SDK2: variants seen among roughly 807,000 people sequenced by gnomAD.
SDK2 encodes the protein protein sidekick-2.
SDK2 carries 105 observed loss-of-function variants against 253.9 expected under a neutral mutation model. The ratio of observed to expected loss-of-function variants is 0.41; its 90% confidence interval spans 0.35 to 0.49. SDK2 has a LOEUF of 0.49. SDK2 is among the 20% of genes least tolerant of loss of function. The pLI is 0.06. For synonymous variants in SDK2, 1,249 were observed against 1,234.9 expected (o/e 1.01, Z -0.24); for missense variants, 2,608 against 3,003.0 (o/e 0.87, Z 3.07).
chr17:73,630,883 TC>T (rs1182469698), intron 1 of SDK2, among the ~76,000 whole-genome samples: 140 of 151,672 alleles, frequency 9.2e-4, no homozygotes, highest in South Asian at 2.1e-3. Flanking sequence ...ACACCGCCCC[TC>T]CCTGAAGCAG....
intron 4 of SDK2, among the ~76,000 whole-genome samples, chr17:73,453,594 C>T (rs2063503653): frequency 6.6e-6 from 1 of 152,100 alleles, no homozygotes; most frequent in South Asian, 2.1e-4. Flanking sequence ...CCAGGCTGGT[C>T]TTGAACTCCT....
intron 1 of SDK2, among the ~76,000 whole-genome samples, chr17:73,559,598 G>GCCCCCC (rs10633523): frequency 7.4e-5 from 9 of 122,168 alleles, no homozygotes; most frequent in African/African-American, 1.6e-4. Context: ...CGCTCCCTGT[G>GCCCCCC]CCCCCCGCCC....
intron 1 of SDK2, among the ~76,000 whole-genome samples, chr17:73,565,280 A>C (rs949243312): frequency 6.6e-6 from 1 of 152,192 alleles, no homozygotes; most frequent in African/African-American, 2.4e-5. Context: ...ATATGTACAC[A>C]TGGGGCCAAT....
intron 1 of SDK2, among the ~76,000 whole-genome samples, chr17:73,530,978 C>T (rs996320188): frequency 6.6e-6 from 1 of 152,182 alleles, no homozygotes; most frequent in Non-Finnish European, 1.5e-5. Flanking sequence ...CACTCACTTC[C>T]TGACTCTGTA....
In SDK2 at chr17:73,616,446, C is replaced by T. The variant is rs576254181; in HGVS notation, c.64+27579G>A. On this transcript the variant is annotated intron_variant, in intron 1 of 44. Coordinates refer to ENST00000392650, the MANE Select transcript of SDK2 (RefSeq NM_001144952.2). This position sits in a 1 kb window ranked among gnomAD's most constrained non-coding sequence, Gnocchi z 5.2. ...TTTCCTTTCACTTGGGCAGGCTGAC[C>T]GTGGCCTCAAGGACCACTGTCGCAA... 5.9e-5 allele frequency among the ~76,000 whole-genome samples: 9 copies of T among 152,138 alleles called. No homozygotes were observed. Among genetic ancestry groups the T allele is most frequent in the Non-Finnish European group, 1.0e-4 (7 of 67,978 alleles).
chr17:73,476,291 C>T (rs1203004512), intron 2 of SDK2, among the ~76,000 whole-genome samples: 1 of 152,150 alleles, frequency 6.6e-6, no homozygotes, highest in Non-Finnish European at 1.5e-5. Context: ...ACACTTATAA[C>T]CACACAAACA....
chr17:73,574,656 C>T (rs533497570), intron 1 of SDK2, among the ~76,000 whole-genome samples: 61 of 152,290 alleles, frequency 4.0e-4, no homozygotes, highest in Middle Eastern at 3.4e-3. Flanking sequence ...ACCTCCCCTT[C>T]GGAACCAAGG....
At chr17:73,350,138 T>G (rs2062521608) in intron 43 of SDK2, 99 bp downstream of exon 43, 4 of 697,972 alleles carry the variant, frequency 5.7e-6, no homozygotes, top group Non-Finnish European at 7.2e-6. Context: ...GGACAAGGTA[T>G]GGCCAGGTGG....
intron 18 of SDK2, among the ~76,000 whole-genome samples, chr17:73,408,182 G>A (rs931375613): frequency 1.1e-4 from 17 of 150,510 alleles, no homozygotes; most frequent in Non-Finnish European, 1.9e-4. Context: ...CTCCCGAGTA[G>A]CTGAGATTAG....
intron 1 of SDK2, among the ~76,000 whole-genome samples, chr17:73,564,265 G>A (rs1208823487): frequency 1.3e-5 from 2 of 152,136 alleles, no homozygotes; most frequent in Non-Finnish European, 2.9e-5. Context: ...GGCCACATAT[G>A]GCTAGTGACT....
rs972711389 is a variant in SDK2 at position 73,335,959 on chromosome 17, TG to T, written c.*2627del. 6.7e-6 allele frequency: 1 copy of T among 150,194 alleles called. No homozygotes were observed. The allele number at this position is 150,194 out of a possible 1,614,324, so 9.3% of individuals were successfully genotyped here. A position where few individuals can be genotyped will look rare whatever the true frequency, so the allele number is the denominator to read the frequency against. On this transcript the variant is annotated 3_prime_UTR_variant, in exon 45 of 45. Coordinates refer to ENST00000392650, the MANE Select transcript of SDK2 (RefSeq NM_001144952.2). ...TGGGTGCGAATGAGCGTGTGGGGAG[TG>T]GGGGGGTGGAATATCTTAGTGCACC... is the stretch of plus-strand genomic sequence containing the variant.
chr17:73,380,514 G>C (rs2062821320), intron 34 of SDK2, among the ~76,000 whole-genome samples: 1 of 152,176 alleles, frequency 6.6e-6, no homozygotes, highest in Non-Finnish European at 1.5e-5. Flanking sequence ...GTAAGACCCA[G>C]CTGGGCCGAG....
At position 73,394,339 on chromosome 17, in the gene SDK2, G is replaced by A. The variant is rs7220954; in HGVS notation, c.3593-15C>T. On this transcript the variant is annotated splice_polypyrimidine_tract_variant and intron_variant, in intron 25 of 44. Coordinates refer to ENST00000392650, the MANE Select transcript of SDK2 (RefSeq NM_001144952.2). ...GGAAGAGGGAACTGTGGGGGAAAGG[G>A]AGTGGAGAGAAGGCACTCAGGACCC... is the stretch of plus-strand genomic sequence containing the variant. 9,859 of 1,537,592 alleles carry A rather than the reference G, an allele frequency of 6.4e-3. 496 individuals are homozygous for A. In the African/African-American group the frequency reaches 0.11, roughly 18 times the overall value.
At chr17:73,424,808 C>T (rs2063266242) in intron 12 of SDK2, among the ~76,000 whole-genome samples, 1 of 152,132 alleles carries the variant, frequency 6.6e-6, no homozygotes. Flanking sequence ...TGCAAATAGC[C>T]CCGTTCAGCT....
chr17:73,355,174 A>ATATTTT, intron 40 of SDK2, among the ~76,000 whole-genome samples: 5 of 47,238 alleles, frequency 1.1e-4, no homozygotes, highest in South Asian at 1.8e-3. Flanking sequence ...ATATATATAT[A>ATATTTT]TTTTTTTTTT....
intron 2 of SDK2, among the ~76,000 whole-genome samples, chr17:73,476,905 A>C (rs1019140453): frequency 6.6e-6 from 1 of 151,724 alleles, no homozygotes; most frequent in Non-Finnish European, 1.5e-5. Flanking sequence ...TCCCTGCCCC[A>C]GCAGTGCGGG....
chr17:73,422,174 A>C (rs2063237133), intron 15 of SDK2, 113 bp downstream of exon 15: 1 of 1,189,130 alleles, frequency 8.4e-7, no homozygotes, highest in Admixed American at 2.3e-5. Flanking sequence ...ACAGAGGCGG[A>C]AGCCTAGAGG....
chr17:73,596,851 A>G (rs1478759259), intron 1 of SDK2, among the ~76,000 whole-genome samples: 1 of 152,180 alleles, frequency 6.6e-6, no homozygotes, highest in Admixed American at 6.5e-5. Context: ...CAAAAGAGGG[A>G]GATGAAGCTG....
At position 73,431,652 on chromosome 17, in the gene SDK2, T is replaced by C; in HGVS notation, c.1330A>G (p.Ser444Gly). Reference protein sequence around the residue: ...TWQKGERILASGSVQLPRFTP... With the variant: ...TWQKGERILAGGSVQLPRFTP... ...AAGCGAGGCAGCTGCACAGAGCCAC[T>C]GGCCAAGATGCGCTCCCCTGAGGGC... The change falls in exon 11 of 45, where the codon AGT (serine) becomes GGT (glycine). Residue 444 changes from serine to glycine, a missense_variant. Ser to Gly is a moderately conservative substitution (Grantham distance 56, BLOSUM62 0). Coordinates refer to ENST00000392650, the MANE Select transcript of SDK2 (RefSeq NM_001144952.2). The surrounding 1 kb of genome is among the most constrained non-coding windows in gnomAD (Gnocchi z 5.6). The C allele has an allele frequency of 6.2e-7, 1 of 1,610,200 alleles. No homozygotes were observed. Among genetic ancestry groups the C allele is most frequent in the East Asian group, 2.2e-5 (1 of 44,750 alleles).
Sources: allele counts gnomAD v4.1 joint callset (sites outside exome capture counted in the v4.1 genomes callset), GRCh38; gene constraint gnomAD v4.1.1; non-coding constraint Gnocchi (gnomAD v3.1); transcripts MANE v1.5; gene names NCBI Gene and HGNC (gene_info 2026-07-23, HGNC 2026-07-21).